CNTN4: variants seen among roughly 807,000 people sequenced by gnomAD.
CNTN4 encodes contactin 4, also known as contactin-4.
A neutral mutation model predicts 122.5 loss-of-function variants in CNTN4; 77 were observed. The observed-to-expected ratio is 0.63, with a 90% CI of 0.52 to 0.76. The LOEUF is 0.76. CNTN4 is among the 30% of genes least tolerant of loss of function. The pLI is 0.00. For synonymous variants in CNTN4, 512 were observed against 447.0 expected (o/e 1.15, Z -1.83); for missense variants, 1,256 against 1,259.1 (o/e 1.00, Z 0.04).
chr3:2,278,549 C>T (rs958560123), intron 2 of CNTN4, among the ~76,000 whole-genome samples: 22 of 152,066 alleles, frequency 1.4e-4, no homozygotes, highest in Non-Finnish European at 2.9e-5. Context: ...AGCAGTCATG[C>T]TTAGTTGTTG....
At chr3:3,051,760 C>T (rs1011477723) in intron 23 of CNTN4, among the ~76,000 whole-genome samples, 1 of 152,142 alleles carries the variant, frequency 6.6e-6, no homozygotes, top group African/African-American at 2.4e-5. Flanking sequence ...TGATGAAATG[C>T]CAGGGAACAG....
intron 14 of CNTN4, among the ~76,000 whole-genome samples, chr3:3,023,828 G>A (rs1397811197): frequency 6.6e-6 from 1 of 152,226 alleles, no homozygotes; most frequent in Non-Finnish European, 1.5e-5. Context: ...ACACATAGGA[G>A]TGTAAATTGC....
chr3:2,958,968 C>T (rs191956042), intron 13 of CNTN4, among the ~76,000 whole-genome samples: 16 of 152,268 alleles, frequency 1.1e-4, no homozygotes, highest in African/African-American at 3.6e-4. Flanking sequence ...AAAACCGTGC[C>T]TCCAGGGAAC....
intron 2 of CNTN4, among the ~76,000 whole-genome samples, chr3:2,254,807 T>TAC (rs2040513072): frequency 6.6e-6 from 1 of 152,204 alleles, no homozygotes; most frequent in Admixed American, 6.5e-5. Context: ...GATGGTGGAT[T>TAC]ACAAAAATTT....
At chr3:2,501,751 T>G (rs2076599943) in intron 3 of CNTN4, among the ~76,000 whole-genome samples, 1 of 152,122 alleles carries the variant, frequency 6.6e-6, no homozygotes, top group African/African-American at 2.4e-5. Context: ...GTTAAATCAA[T>G]CTTTAAAGTC....
At chr3:2,729,880 C>T (rs1457544630) in intron 4 of CNTN4, among the ~76,000 whole-genome samples, 1 of 152,148 alleles carries the variant, frequency 6.6e-6, no homozygotes, top group African/African-American at 2.4e-5. Flanking sequence ...AGCCACTGTA[C>T]TCCAGCCTGA....
chr3:2,697,836 TGGA>T (rs2086131598), intron 4 of CNTN4, among the ~76,000 whole-genome samples: 3 of 152,146 alleles, frequency 2.0e-5, no homozygotes, highest in Non-Finnish European at 2.9e-5. Context: ...GTTACAGTCT[TGGA>T]GTCCAAAGGC....
chr3:2,299,025 T>C (rs201480845), intron 2 of CNTN4, among the ~76,000 whole-genome samples: 1 of 151,294 alleles, frequency 6.6e-6, no homozygotes. Context: ...TGTCGGGGGG[T>C]TTTTAGCTTC....
At chr3:2,969,516 G>GATTATT (rs57712177) in intron 13 of CNTN4, among the ~76,000 whole-genome samples, 54 of 121,464 alleles carry the variant, frequency 4.4e-4, no homozygotes, top group African/African-American at 2.8e-3. Context: ...GGAAAATTGG[G>GATTATT]ATTATTATTA....
At chr3:2,122,565 A>G (rs748315690) in intron 2 of CNTN4, among the ~76,000 whole-genome samples, 2 of 152,236 alleles carry the variant, frequency 1.3e-5, no homozygotes, top group Non-Finnish European at 2.9e-5. Context: ...TATGATAAAC[A>G]ATATCTTTGT....
intron 14 of CNTN4, among the ~76,000 whole-genome samples, chr3:2,992,862 C>T (rs776284582): frequency 3.9e-5 from 6 of 151,906 alleles, no homozygotes; most frequent in Non-Finnish European, 8.8e-5. Flanking sequence ...ATGCATGCCA[C>T]CTAGCAAGTG....
intron 24 of CNTN4, among the ~76,000 whole-genome samples, chr3:3,055,848 A>T (rs1169736297): frequency 6.6e-6 from 1 of 152,168 alleles, no homozygotes; most frequent in Non-Finnish European, 1.5e-5. Flanking sequence ...GTTTATCAGT[A>T]TTGTTACTAG....
chr3:2,881,651 A>C (rs1355835973), intron 8 of CNTN4, among the ~76,000 whole-genome samples: 3 of 61,046 alleles, frequency 4.9e-5, no homozygotes, highest in Non-Finnish European at 9.6e-5. Flanking sequence ...CCATCCAGTG[A>C]GTGAAATCAT....
intron 2 of CNTN4, among the ~76,000 whole-genome samples, chr3:2,245,205 A>G (rs2040096126): frequency 6.6e-6 from 1 of 152,000 alleles, no homozygotes; most frequent in African/African-American, 2.4e-5. Context: ...ATTTTGGGAG[A>G]TACTTAGTAG....
intron 2 of CNTN4, among the ~76,000 whole-genome samples, chr3:2,327,873 T>G (rs1236038370): frequency 6.6e-6 from 1 of 152,174 alleles, no homozygotes; most frequent in East Asian, 1.9e-4. Context: ...CATGGCATCT[T>G]AGCATTTGAG....
chr3:2,520,644 G>T (rs749934372), intron 3 of CNTN4, among the ~76,000 whole-genome samples: 1 of 151,992 alleles, frequency 6.6e-6, no homozygotes, highest in Non-Finnish European at 1.5e-5. Context: ...ATCTGCAAAT[G>T]AGAGGGATAG....
At chr3:2,112,360 A>G (rs2033028864) in intron 2 of CNTN4, among the ~76,000 whole-genome samples, 1 of 152,196 alleles carries the variant, frequency 6.6e-6, no homozygotes, top group Non-Finnish European at 1.5e-5. Context: ...GTACTGGGAA[A>G]TGAATTTCTG....
chr3:2,799,734 AAATTTT>A (rs1203350608), intron 6 of CNTN4, among the ~76,000 whole-genome samples: 1 of 152,134 alleles, frequency 6.6e-6, no homozygotes, highest in Non-Finnish European at 1.5e-5. Flanking sequence ...TTTTAGAAAA[AAATTTT>A]AATTTTAATT....
intron 4 of CNTN4, among the ~76,000 whole-genome samples, chr3:2,578,808 T>C (rs1023839559): frequency 2.0e-5 from 3 of 152,178 alleles, no homozygotes; most frequent in East Asian, 1.9e-4. Context: ...GAAGCCCATG[T>C]GGTAGAAAGA....
Sources: allele counts gnomAD v4.1 joint callset (sites outside exome capture counted in the v4.1 genomes callset), GRCh38; gene constraint gnomAD v4.1.1; transcripts MANE v1.5; gene names NCBI Gene and HGNC (gene_info 2026-07-23, HGNC 2026-07-21).